Variants in L3MBTL1 observed in about 807,000 individuals in gnomAD.
L3MBTL1 encodes the protein L3MBTL histone methyl-lysine binding protein 1.
Under a neutral mutation model 105.3 loss-of-function variants are expected in L3MBTL1, and 75 were observed. The ratio of observed to expected loss-of-function variants is 0.71; its 90% CI spans 0.59 to 0.86. L3MBTL1 has a LOEUF of 0.86. L3MBTL1 is among the 40% of genes least tolerant of loss of function. The pLI, the probability that L3MBTL1 is intolerant of heterozygous loss-of-function variation, is 0.00. For missense variants in L3MBTL1, 1,069 were observed against 1,126.4 expected (o/e 0.95, Z 0.73); for synonymous variants, 452 against 436.2 (o/e 1.04, Z -0.45).
chr20:43,522,366 A>G (rs544626234), intron 7 of L3MBTL1, among the ~76,000 whole-genome samples: 101 of 151,800 alleles, frequency 6.7e-4, no homozygotes, highest in Non-Finnish European at 1.3e-3. Context: ...AAAAAATGAT[A>G]CAGAAAGAAG....
chr20:43,509,206 T>G (rs891339858), intron 1 of L3MBTL1, among the ~76,000 whole-genome samples: 5 of 151,958 alleles, frequency 3.3e-5, no homozygotes, highest in African/African-American at 1.2e-4. Context: ...TCTCTCTCTC[T>G]CCTTCCTTCC....
At position 43,529,321 on chromosome 20, in the gene L3MBTL1, A is replaced by C. The variant is rs775348032; in HGVS notation, c.1009A>C (p.Ile337Leu). ...GFKLGMKLEGIDPQHPSMYFI... is the reference protein window; with the variant it reads ...GFKLGMKLEGLDPQHPSMYFI... Reference sequence around the variant, plus strand: ...CAAACTGGGCATGAAGTTGGAAGGCATTGACCCTCAACACCCGTCCATGTA... The same window carrying C: ...CAAACTGGGCATGAAGTTGGAAGGCCTTGACCCTCAACACCCGTCCATGTA... Residue 337 changes from isoleucine (I) to leucine (L), a missense_variant, in exon 9 of 22, where the codon ATT becomes CTT. Ile to Leu is a conservative substitution (Grantham distance 5, BLOSUM62 2). Coordinates refer to ENST00000418998, the MANE Select transcript of L3MBTL1 (RefSeq NM_001377303.1). 1.2e-6 allele frequency: 2 copies of C among 1,613,428 alleles called. No individual in the cohort carries two copies. The highest frequency in any genetic ancestry group is 2.2e-5 in the South Asian group (2 of 90,676).
intron 18 of L3MBTL1, 30 bp from the exon 19 acceptor site, chr20:43,536,379 C>T (rs772520181): frequency 6.2e-7 from 1 of 1,613,766 alleles, no homozygotes; most frequent in East Asian, 2.2e-5. Context: ...CACTGATTCC[C>T]TGCCATGGAC....
At chr20:43,532,963 G>C in intron 12 of L3MBTL1, 39 bp downstream of exon 12, 1 of 1,609,568 alleles carries the variant, frequency 6.2e-7, no homozygotes. Flanking sequence ...GGGGGTGAGG[G>C]GATGGCAGGG....
intron 7 of L3MBTL1, among the ~76,000 whole-genome samples, chr20:43,522,456 AGTTT>A (rs2018768062): frequency 1.1e-5 from 1 of 89,944 alleles, no homozygotes; most frequent in Non-Finnish European, 2.3e-5. Flanking sequence ...TTCCCTGCTA[AGTTT>A]TTTTTTTTTT....
downstream of L3MBTL1, among the ~76,000 whole-genome samples, chr20:43,543,686 G>A (rs1213228819): frequency 1.3e-5 from 2 of 152,178 alleles, no homozygotes; most frequent in Non-Finnish European, 2.9e-5. Context: ...CTTAACTGAT[G>A]ATTGGGTATT....
intron 1 of L3MBTL1, 111 bp from the exon 2 acceptor site, chr20:43,513,365 C>T (rs2018189566): frequency 4.5e-6 from 5 of 1,102,014 alleles, no homozygotes; most frequent in African/African-American, 3.1e-5. Flanking sequence ...CTGCAGGTCA[C>T]GGGTTTGAAG....
At chr20:43,524,196 T>G (rs1235275467) in intron 7 of L3MBTL1, among the ~76,000 whole-genome samples, 1 of 152,240 alleles carries the variant, frequency 6.6e-6, no homozygotes, top group Non-Finnish European at 1.5e-5. Flanking sequence ...CTTTTCTAAC[T>G]TCATGAGACA....
In L3MBTL1 at chr20:43,525,835, G is replaced by A. The variant is rs80079158; in HGVS notation, c.863-2822G>A. On this transcript the variant is annotated intron_variant, in intron 7 of 21. Transcript: ENST00000418998. ...GAGACCATGTATATGAAGTCTTTCCGGCATCTCTGTACCCCCAATTTCTAG... is the reference window on the plus strand; with the variant it reads ...GAGACCATGTATATGAAGTCTTTCCAGCATCTCTGTACCCCCAATTTCTAG... Among the ~76,000 whole-genome samples, 809 of 152,186 alleles carry A rather than the reference G, an allele frequency of 5.3e-3. 2 individuals are homozygous for A. Among genetic ancestry groups the A allele is most frequent in the African/African-American group, 0.014 (588 of 41,510 alleles).
intron 7 of L3MBTL1, among the ~76,000 whole-genome samples, chr20:43,519,340 A>T (rs2145403163): frequency 6.7e-6 from 1 of 150,196 alleles, no homozygotes; most frequent in Non-Finnish European, 1.5e-5. Context: ...CTGACTCAAA[A>T]AAAAAAAAAA....
At chr20:43,536,045 G>A in intron 17 of L3MBTL1, 52 bp from the exon 18 acceptor site, 2 of 1,598,108 alleles carry the variant, frequency 1.3e-6, no homozygotes, top group Non-Finnish European at 1.7e-6. Flanking sequence ...GGCTGAGGAG[G>A]GCTCAGCGGG....
downstream of L3MBTL1, among the ~76,000 whole-genome samples, chr20:43,543,515 T>C (rs1978362347): frequency 6.6e-6 from 1 of 152,176 alleles, no homozygotes; most frequent in South Asian, 2.1e-4. Context: ...TATAAAAAAC[T>C]AGTGGCCAAA....
chr20:43,534,784 G>A, intron 15 of L3MBTL1, 44 bp from the exon 16 acceptor site: 1 of 1,433,060 alleles, frequency 7.0e-7, no homozygotes, highest in Non-Finnish European at 9.8e-7. Context: ...GCTGAGCTGG[G>A]CTCCATGAGA....
chr20:43,514,972 TG>T, intron 4 of L3MBTL1, 36 bp from the exon 5 acceptor site: 1 of 1,604,694 alleles, frequency 6.2e-7, no homozygotes, highest in African/African-American at 1.3e-5. Context: ...GTGGCTGCGA[TG>T]GGGAGGGAGG....
intron 7 of L3MBTL1, among the ~76,000 whole-genome samples, chr20:43,517,490 A>C (rs2018462810): frequency 6.6e-6 from 1 of 151,386 alleles, no homozygotes; most frequent in African/African-American, 2.4e-5. Flanking sequence ...ACAGCCTGGG[A>C]CTCCTGGGCT....
chr20:43,532,018 A>C (rs2019362894), intron 11 of L3MBTL1: 1 of 152,230 alleles, frequency 6.6e-6, no homozygotes, highest in Admixed American at 6.5e-5. Context: ...CCTGGGCGAC[A>C]GAGTGAGACC....
chr20:43,520,803 AAT>A (rs760123785), intron 7 of L3MBTL1, among the ~76,000 whole-genome samples: 1 of 152,234 alleles, frequency 6.6e-6, no homozygotes, highest in African/African-American at 2.4e-5. Context: ...ACAAGTTGAG[AAT>A]ATGAGTGTGT....
chr20:43,516,649 A>G (rs575708541), intron 7 of L3MBTL1, among the ~76,000 whole-genome samples: 44 of 152,272 alleles, frequency 2.9e-4, no homozygotes, highest in South Asian at 2.1e-4. Flanking sequence ...ACATTCCCAC[A>G]TGACAACTGT....
intron 12 of L3MBTL1, 86 bp downstream of exon 12, chr20:43,533,010 C>T (rs926420110): frequency 5.2e-6 from 7 of 1,349,778 alleles, no homozygotes; most frequent in Non-Finnish European, 7.3e-6. Context: ...CATGTGGCAC[C>T]ACTCAGTCCA....
Sources: gnomAD v4.1 joint callset for allele counts (sites outside exome capture counted in the v4.1 genomes callset) on GRCh38, gnomAD v4.1.1 for gene constraint, MANE v1.5 for transcripts, NCBI Gene and HGNC (gene_info 2026-07-23, HGNC 2026-07-21) for gene names.